GPR158: variants seen among roughly 807,000 people sequenced by gnomAD.
GPR158 encodes metabotropic glycine receptor.
A neutral mutation model predicts 78.2 loss-of-function variants in GPR158; 30 were observed. The observed-to-expected ratio is 0.38, with a 90% CI of 0.29 to 0.52. The LOEUF (loss-of-function observed/expected upper bound fraction) is 0.52, where lower values mean the gene tolerates loss of function less well. GPR158 is among the 20% of genes least tolerant of loss of function. GPR158 has a pLI of 0.83. For synonymous variants in GPR158, 581 were observed against 591.1 expected (o/e 0.98, Z 0.25); for missense variants, 1,463 against 1,523.5 (o/e 0.96, Z 0.66).
chr10:25,464,880 C>T (rs1835401947), intron 4 of GPR158, among the ~76,000 whole-genome samples: 1 of 152,176 alleles, frequency 6.6e-6, no homozygotes, highest in Non-Finnish European at 1.5e-5. Flanking sequence ...AGCCAAAACC[C>T]ATTTAAATGC....
chr10:25,430,528 A>C (rs889135101), intron 4 of GPR158, among the ~76,000 whole-genome samples: 32 of 150,010 alleles, frequency 2.1e-4, no homozygotes, highest in African/African-American at 7.7e-4. Context: ...GTTCATATGG[A>C]ACCAAAAAAG....
At chr10:25,330,144 A>G (rs996210177) in intron 2 of GPR158, among the ~76,000 whole-genome samples, 6 of 151,852 alleles carry the variant, frequency 4.0e-5, no homozygotes, top group Non-Finnish European at 8.8e-5. Flanking sequence ...CCTCTTACAT[A>G]TTATCTCACT....
At chr10:25,569,603 C>T (rs755617783) in intron 6 of GPR158, among the ~76,000 whole-genome samples, 27 of 152,164 alleles carry the variant, frequency 1.8e-4, no homozygotes, top group Non-Finnish European at 2.9e-4. Flanking sequence ...TTGCTTCCTG[C>T]CAACCAGTTC....
chr10:25,582,364 C>T (rs999119180), intron 7 of GPR158, among the ~76,000 whole-genome samples: 3 of 152,088 alleles, frequency 2.0e-5, no homozygotes, highest in East Asian at 1.9e-4. Context: ...TTCTGTCACC[C>T]CATGGGAAAC....
chr10:25,407,786 C>G (rs1834534075), intron 3 of GPR158, among the ~76,000 whole-genome samples: 1 of 152,124 alleles, frequency 6.6e-6, no homozygotes, highest in South Asian at 2.1e-4. Flanking sequence ...ACTATCAAGT[C>G]TCACCTGGAT....
chr10:25,594,490 T>C, intron 9 of GPR158, 93 bp downstream of exon 9: 1 of 540,164 alleles, frequency 1.9e-6, no homozygotes, highest in South Asian at 2.8e-5. Flanking sequence ...TATGGAAATT[T>C]GCTTAATATT....
At chr10:25,309,154 C>G (rs1035452516) in intron 2 of GPR158, among the ~76,000 whole-genome samples, 1 of 151,956 alleles carries the variant, frequency 6.6e-6, no homozygotes, top group African/African-American at 2.4e-5. Flanking sequence ...CTGGCTCTAC[C>G]ATTTTACATT....
At chr10:25,276,976 G>A (rs982091958) in intron 2 of GPR158, among the ~76,000 whole-genome samples, 5 of 150,308 alleles carry the variant, frequency 3.3e-5, no homozygotes, top group African/African-American at 1.2e-4. Flanking sequence ...AATAGACAGG[G>A]TCTCACTCTG....
chr10:25,351,014 C>T (rs1033444322), intron 2 of GPR158, among the ~76,000 whole-genome samples: 2 of 151,802 alleles, frequency 1.3e-5, no homozygotes, highest in East Asian at 3.9e-4. Context: ...AACCAAAATG[C>T]TAGGAGAAAA....
intron 6 of GPR158, among the ~76,000 whole-genome samples, chr10:25,559,416 G>T (rs1836833248): frequency 6.6e-6 from 1 of 152,136 alleles, no homozygotes; most frequent in Admixed American, 6.5e-5. Flanking sequence ...TCTGAAATAT[G>T]TAGCAATGTG....
intron 3 of GPR158, among the ~76,000 whole-genome samples, chr10:25,400,235 A>G (rs904239340): frequency 6.6e-6 from 1 of 152,202 alleles, no homozygotes; most frequent in African/African-American, 2.4e-5. Flanking sequence ...CAGAAAGGAT[A>G]TAGAGCAAAG....
chr10:25,463,922 T>C (rs892165878), intron 4 of GPR158, among the ~76,000 whole-genome samples: 1 of 152,208 alleles, frequency 6.6e-6, no homozygotes, highest in Non-Finnish European at 1.5e-5. Context: ...GGAAATATGT[T>C]GGGGAGCATG....
At chr10:25,520,686 G>GGGGGTCA (rs1564478149) in intron 5 of GPR158, among the ~76,000 whole-genome samples, 3 of 152,066 alleles carry the variant, frequency 2.0e-5, no homozygotes, top group African/African-American at 4.8e-5. Flanking sequence ...TAGGCTGCTC[G>GGGGGTCA]GGGGTCAGGG....
At chr10:25,392,863 A>C (rs1233720262) in intron 2 of GPR158, among the ~76,000 whole-genome samples, 1 of 152,234 alleles carries the variant, frequency 6.6e-6, no homozygotes, top group Non-Finnish European at 1.5e-5. Context: ...ACTTCAAGGC[A>C]AAAGCATGAA....
rs1484264060 is a variant in GPR158 at position 25,458,836 on chromosome 10, C to T, written c.1336-7815C>T. Among the ~76,000 whole-genome samples, 5 of 152,292 alleles carry T rather than the reference C, an allele frequency of 3.3e-5. No individual in the cohort carries two copies. The East Asian group carries it at 9.6e-4, about 29-fold the overall frequency. ...TACATTTTACTTTGGGAGTCTCTGC[C>T]ATGACCTTATCTCTTCATTTTTATG... On this transcript the variant is annotated intron_variant, in intron 4 of 10. Coordinates refer to ENST00000376351, the MANE Select transcript of GPR158 (RefSeq NM_020752.3).
At chr10:25,438,989 C>T (rs1445230905) in intron 4 of GPR158, among the ~76,000 whole-genome samples, 2 of 152,212 alleles carry the variant, frequency 1.3e-5, no homozygotes, top group East Asian at 3.9e-4. Flanking sequence ...TGTTTGTCTA[C>T]ATGTTGCCTC....
chr10:25,425,560 T>C (rs1172145133), intron 4 of GPR158, among the ~76,000 whole-genome samples: 1 of 151,330 alleles, frequency 6.6e-6, no homozygotes, highest in Non-Finnish European at 1.5e-5. Context: ...ATATGGTACT[T>C]AAACAAAAAA....
chr10:25,247,465 CT>C (rs1302287958), intron 2 of GPR158, among the ~76,000 whole-genome samples: 2 of 104,016 alleles, frequency 1.9e-5, no homozygotes, highest in Non-Finnish European at 3.8e-5. Flanking sequence ...TCCCTCCCCC[CT>C]CCCCCCACCC....
At chr10:25,309,597 A>G (rs1401341806) in intron 2 of GPR158, among the ~76,000 whole-genome samples, 5 of 152,110 alleles carry the variant, frequency 3.3e-5, no homozygotes, top group South Asian at 4.1e-4. Flanking sequence ...AGCTTTTGAT[A>G]TGATTTGGCT....
Sources: allele counts gnomAD v4.1 joint callset (sites outside exome capture counted in the v4.1 genomes callset), GRCh38; gene constraint gnomAD v4.1.1; transcripts MANE v1.5; gene names NCBI Gene and HGNC (gene_info 2026-07-23, HGNC 2026-07-21).